SFXN5: variants seen among roughly 807,000 people sequenced by gnomAD.
SFXN5 encodes the protein sideroflexin-5.
In SFXN5, 43 loss-of-function variants were observed where a neutral mutation model predicts 50.2. That is an observed-to-expected ratio of 0.86 (90% confidence interval 0.67 to 1.11). The LOEUF (loss-of-function observed/expected upper bound fraction) is 1.11, where lower values mean the gene tolerates loss of function less well. Ranked by LOEUF, SFXN5 falls within the 50% of genes least tolerant of loss-of-function variation. SFXN5 has a pLI of 0.00. For missense variants in SFXN5, 463 were observed against 454.1 expected, an observed-to-expected ratio of 1.02 and a Z score of -0.18; for synonymous variants, 203 against 185.8, an observed-to-expected ratio of 1.09 and a Z score of -0.75.
intron 2 of SFXN5, among the ~76,000 whole-genome samples, chr2:73,047,239 AAAAAAAATATATATAT>A (rs1272148292): frequency 1.2e-4 from 3 of 25,660 alleles, no homozygotes; most frequent in African/African-American, 3.1e-4. Flanking sequence ...AAAAAAAAAA[AAAAAAAATATATATAT>A]ATATATATAT....
intron 12 of SFXN5, among the ~76,000 whole-genome samples, chr2:72,963,936 T>C (rs1674065711): frequency 6.6e-6 from 1 of 152,142 alleles, no homozygotes; most frequent in Non-Finnish European, 1.5e-5. Flanking sequence ...TGGCACCCAG[T>C]GGACTGCACC....
At position 72,990,147 on chromosome 2, in the gene SFXN5, G is replaced by A. The variant is rs193228042; in HGVS notation, c.535-1799C>T. The stretch of plus-strand genomic sequence containing the variant: ...AAGGAAGTGCTGGTCCGCCAGCCCC[G>A]GGGCAGCGCAGCATTCCGTGGAGCC... On this transcript the variant is annotated intron_variant, in intron 9 of 13. Coordinates refer to ENST00000272433, the MANE Select transcript of SFXN5 (RefSeq NM_144579.3). Among the ~76,000 whole-genome samples the A allele has an allele frequency of 4.0e-4, 61 of 152,382 alleles. No individual in the cohort carries two copies. In the East Asian group the frequency reaches 8.1e-3, roughly 20 times the overall value.
At chr2:73,063,233 G>A (rs1341319812) in intron 1 of SFXN5, among the ~76,000 whole-genome samples, 1 of 152,138 alleles carries the variant, frequency 6.6e-6, no homozygotes, top group Non-Finnish European at 1.5e-5. Context: ...TCAAGAAAGA[G>A]ACTCTGAATT....
intron 12 of SFXN5, among the ~76,000 whole-genome samples, chr2:72,965,171 C>G (rs910596487): frequency 5.3e-5 from 8 of 152,146 alleles, no homozygotes; most frequent in Admixed American, 5.2e-4. Context: ...GGCTGGACAG[C>G]AAGAGGACGT....
At chr2:73,052,022 T>A (rs1370838372) in intron 2 of SFXN5, among the ~76,000 whole-genome samples, 1 of 152,246 alleles carries the variant, frequency 6.6e-6, no homozygotes, top group East Asian at 1.9e-4. Flanking sequence ...ACGGATTTTT[T>A]TTTTAATTTA....
chr2:73,055,996 C>T (rs1356393029), intron 2 of SFXN5, among the ~76,000 whole-genome samples: 1 of 152,066 alleles, frequency 6.6e-6, no homozygotes, highest in Non-Finnish European at 1.5e-5. Context: ...AAATTAGCCA[C>T]GCGTGATGGT....
chr2:73,056,884 T>TA (rs1553526433), intron 2 of SFXN5, among the ~76,000 whole-genome samples: 2 of 152,220 alleles, frequency 1.3e-5, no homozygotes, highest in Non-Finnish European at 2.9e-5. Flanking sequence ...CTGATAAAGT[T>TA]AAACATATAT....
chr2:73,030,908 T>A (rs187804419), intron 3 of SFXN5, among the ~76,000 whole-genome samples: 3 of 152,250 alleles, frequency 2.0e-5, no homozygotes, highest in African/African-American at 7.2e-5. Flanking sequence ...AGTGGGCAAC[T>A]GGGGGAGAGA....
intron 13 of SFXN5, among the ~76,000 whole-genome samples, chr2:72,949,103 G>A (rs928977722): frequency 2.0e-5 from 3 of 152,174 alleles, no homozygotes; most frequent in African/African-American, 2.4e-5. Flanking sequence ...GATCAGAAAG[G>A]GCAGGCCAAG....
chr2:72,998,938 G>C lies in SFXN5; in HGVS notation c.534+11C>G. On this transcript the variant is annotated intron_variant, in intron 9 of 13. Coordinates refer to ENST00000272433, the MANE Select transcript of SFXN5 (RefSeq NM_144579.3). Reference sequence around the variant, plus strand: ...GCAGAGCCAAGAAGGAGCAGGGGAGGGAGTACTCACAGCAATGGAGACGGC... The same window carrying C: ...GCAGAGCCAAGAAGGAGCAGGGGAGCGAGTACTCACAGCAATGGAGACGGC... 1 of 1,613,728 alleles carries C rather than the reference G, an allele frequency of 6.2e-7. No individual in the cohort carries two copies.
intron 6 of SFXN5, among the ~76,000 whole-genome samples, chr2:73,009,713 C>T (rs868525636): frequency 2.6e-5 from 4 of 152,318 alleles, no homozygotes; most frequent in East Asian, 3.9e-4. Flanking sequence ...GGGAAAGGAT[C>T]GGTCCTGTTA....
intron 12 of SFXN5, among the ~76,000 whole-genome samples, chr2:72,967,514 C>T (rs751239901): frequency 3.4e-4 from 52 of 152,266 alleles, no homozygotes; most frequent in Admixed American, 1.0e-3. Flanking sequence ...GACTGGGATA[C>T]ACAAGTGCTT....
intron 1 of SFXN5, chr2:73,059,388 G>A (rs984978684): frequency 4.1e-6 from 4 of 985,222 alleles, no homozygotes; most frequent in African/African-American, 1.7e-5. Flanking sequence ...ACTACACTCC[G>A]GGCTCTGCCC....
intron 12 of SFXN5, among the ~76,000 whole-genome samples, chr2:72,967,591 C>T (rs1559098458): frequency 6.6e-6 from 1 of 152,126 alleles, no homozygotes; most frequent in Non-Finnish European, 1.5e-5. Context: ...AGGGAAGAAT[C>T]CTTTGCCCCA....
At chr2:73,051,451 T>C (rs1681314491) in intron 2 of SFXN5, among the ~76,000 whole-genome samples, 1 of 151,916 alleles carries the variant, frequency 6.6e-6, no homozygotes, top group Admixed American at 6.6e-5. Flanking sequence ...AGAGACAGGG[T>C]TTCACCATCT....
At chr2:73,048,507 T>C (rs1309553853) in intron 2 of SFXN5, among the ~76,000 whole-genome samples, 1 of 152,240 alleles carries the variant, frequency 6.6e-6, no homozygotes, top group Admixed American at 6.5e-5. Context: ...TGAGCCACTG[T>C]GCCCGGCCAG....
chr2:72,965,063 C>T (rs1674215507), intron 12 of SFXN5, among the ~76,000 whole-genome samples: 1 of 152,212 alleles, frequency 6.6e-6, no homozygotes, highest in Non-Finnish European at 1.5e-5. Flanking sequence ...CCTGCCACAC[C>T]CCCTGATCCT....
intron 1 of SFXN5, chr2:73,059,579 C>T: frequency 2.0e-6 from 2 of 985,354 alleles, no homozygotes; most frequent in Non-Finnish European, 2.4e-6. Flanking sequence ...CAAAGTCCCC[C>T]CACACACCAG....
chr2:73,058,417 C>T, intron 2 of SFXN5, 111 bp downstream of exon 2: 1 of 965,396 alleles, frequency 1.0e-6, no homozygotes, highest in Non-Finnish European at 1.6e-6. Flanking sequence ...CACCTCTCAC[C>T]TCCCCTATTC....
Sources: allele counts gnomAD v4.1 joint callset (sites outside exome capture counted in the v4.1 genomes callset), GRCh38; gene constraint gnomAD v4.1.1; transcripts MANE v1.5; gene names NCBI Gene and HGNC (gene_info 2026-07-23, HGNC 2026-07-21).